WWOX: variants seen among roughly 807,000 people sequenced by gnomAD.
The protein encoded by WWOX is WW domain containing oxidoreductase.
Under a neutral mutation model 46.2 loss-of-function variants are expected in WWOX, and 69 were observed. That is an observed-to-expected ratio of 1.49 (90% CI 1.23 to 1.82). The LOEUF (loss-of-function observed/expected upper bound fraction) is 1.82. Among genes scored for constraint, WWOX ranks in the 40% most tolerant of loss-of-function variants. WWOX has a pLI of 0.00. For synonymous variants in WWOX, 359 were observed against 202.6 expected (o/e 1.77, Z -6.56); for missense variants, 919 against 542.6 (o/e 1.69, Z -6.89).
intron 5 of WWOX, among the ~76,000 whole-genome samples, chr16:78,381,275 C>G (rs72796071): frequency 6.6e-6 from 1 of 152,120 alleles, no homozygotes; most frequent in Non-Finnish European, 1.5e-5. Context: ...ACAAGAAACC[C>G]CTTTGATTCC....
intron 8 of WWOX, among the ~76,000 whole-genome samples, chr16:78,908,666 G>T (rs902453428): frequency 2.6e-5 from 4 of 152,140 alleles, no homozygotes; most frequent in East Asian, 1.9e-4. Context: ...TTAGTGAGAA[G>T]AGGGTCAGGG....
chr16:78,544,568 C>T (rs571895301), intron 8 of WWOX, among the ~76,000 whole-genome samples: 154 of 152,228 alleles, frequency 1.0e-3, no homozygotes, highest in African/African-American at 3.6e-3. Context: ...TTGCAATGCA[C>T]AGTGGGTTAA....
intron 5 of WWOX, among the ~76,000 whole-genome samples, chr16:78,282,658 C>T (rs537090443): frequency 1.4e-4 from 21 of 152,082 alleles, no homozygotes; most frequent in Middle Eastern, 3.4e-3. Context: ...GCGCAGATTA[C>T]AAGGTCAGGA....
At chr16:78,579,830 GGGAAAT>G (rs2045003404) in intron 8 of WWOX, among the ~76,000 whole-genome samples, 1 of 152,140 alleles carries the variant, frequency 6.6e-6, no homozygotes, top group African/African-American at 2.4e-5. Flanking sequence ...GATGGTGCTT[GGGAAAT>G]GTCTCTTCTT....
intron 8 of WWOX, among the ~76,000 whole-genome samples, chr16:78,676,528 A>T (rs554968369): frequency 6.6e-6 from 1 of 151,904 alleles, no homozygotes; most frequent in South Asian, 2.1e-4. Flanking sequence ...CATTGTTCCA[A>T]CTCAAAGTCT....
chr16:78,321,094 C>T lies in WWOX; in HGVS notation c.517-65766C>T, dbSNP rs78302870. ...TAAAAACAGCCTGCTGCCTGAACAC[C>T]AGAGTGTCTTTTAAAGCGTAGAAAA... On this transcript the variant is annotated intron_variant, in intron 5 of 8. Transcript: ENST00000566780. Among the ~76,000 whole-genome samples the T allele has an allele frequency of 7.0e-3, 1,065 of 152,026 alleles. 16 individuals are homozygous for T. The highest frequency in any genetic ancestry group is 0.056 in the East Asian group (291 of 5,160).
At chr16:78,919,029 C>T (rs1027299722) in intron 8 of WWOX, among the ~76,000 whole-genome samples, 1 of 152,108 alleles carries the variant, frequency 6.6e-6, no homozygotes, top group Non-Finnish European at 1.5e-5. Context: ...TGTGTAACTT[C>T]GTTAAGTTCA....
chr16:78,414,745 T>C (rs2082761751), intron 6 of WWOX, among the ~76,000 whole-genome samples: 1 of 152,202 alleles, frequency 6.6e-6, no homozygotes. Context: ...CGTGGTGGCC[T>C]TTCATTCATT....
chr16:78,459,845 AG>A (rs1332633903), intron 8 of WWOX, among the ~76,000 whole-genome samples: 1 of 148,980 alleles, frequency 6.7e-6, no homozygotes, highest in Non-Finnish European at 1.5e-5. Flanking sequence ...TCTGTCACCC[AG>A]GCTGCTGGAG....
At chr16:78,893,029 G>C (rs939304913) in intron 8 of WWOX, among the ~76,000 whole-genome samples, 4 of 152,178 alleles carry the variant, frequency 2.6e-5, no homozygotes, top group African/African-American at 9.7e-5. Flanking sequence ...TGGTAGCAGA[G>C]CAGGGGTCCT....
intron 8 of WWOX, among the ~76,000 whole-genome samples, chr16:79,059,921 C>T (rs2048329478): frequency 6.6e-6 from 1 of 152,070 alleles, no homozygotes; most frequent in Admixed American, 6.5e-5. Context: ...TTTTTTTCCT[C>T]CAGAAATGCT....
In WWOX at chr16:79,023,736, GTGGTGATACCCCATCTCTACTAAAATA is replaced by G. The variant is rs1314518701; in HGVS notation, c.1057-187846_1057-187820del. Among the ~76,000 whole-genome samples the G allele has an allele frequency of 1.3e-4, 19 of 151,332 alleles. 1 individual carries two copies. Among genetic ancestry groups the G allele is most frequent in the African/African-American group, 4.1e-4 (17 of 41,184 alleles). On this transcript the variant is annotated intron_variant, in intron 8 of 8. Coordinates refer to ENST00000566780, the MANE Select transcript of WWOX (RefSeq NM_016373.4). ...CAGAAGTTCGAGACCAGCCTGGCTG[GTGGTGATACCCCATCTCTACTAAAATA>G]TGGTGATACCCCATCTCTACTAAAA...
chr16:78,893,701 C>G (rs1218988500), intron 8 of WWOX, among the ~76,000 whole-genome samples: 2 of 152,170 alleles, frequency 1.3e-5, no homozygotes, highest in Admixed American at 1.3e-4. Flanking sequence ...GCCCTTCTAG[C>G]ACTTCTGTGA....
At chr16:78,293,358 G>T (rs1358547260) in intron 5 of WWOX, among the ~76,000 whole-genome samples, 1 of 152,224 alleles carries the variant, frequency 6.6e-6, no homozygotes, top group African/African-American at 2.4e-5. Flanking sequence ...GCCAGATTTT[G>T]TAACTGAGTC....
intron 8 of WWOX, among the ~76,000 whole-genome samples, chr16:78,704,102 C>A (rs986321597): frequency 2.6e-5 from 4 of 151,926 alleles, no homozygotes; most frequent in African/African-American, 7.2e-5. Flanking sequence ...TTGTTCCACC[C>A]AGCACGTCAT....
At chr16:78,503,667 G>A (rs1249747748) in intron 8 of WWOX, 2 of 152,114 alleles carry the variant, frequency 1.3e-5, no homozygotes, top group African/African-American at 4.8e-5. Flanking sequence ...ACTTACATGT[G>A]TATATGCATG....
At chr16:79,035,080 TGAAACAA>T (rs2047839567) in intron 8 of WWOX, among the ~76,000 whole-genome samples, 1 of 152,158 alleles carries the variant, frequency 6.6e-6, no homozygotes, top group African/African-American at 2.4e-5. Context: ...TCCAGTAAAG[TGAAACAA>T]ACAAACAAAT....
At chr16:78,882,354 A>C (rs1302789568) in intron 8 of WWOX, among the ~76,000 whole-genome samples, 2 of 152,216 alleles carry the variant, frequency 1.3e-5, no homozygotes, top group East Asian at 3.8e-4. Flanking sequence ...TGCCCAAAAT[A>C]GCACAGCAAT....
intron 8 of WWOX, among the ~76,000 whole-genome samples, chr16:78,678,099 C>T (rs974378393): frequency 6.6e-6 from 1 of 152,200 alleles, no homozygotes; most frequent in Non-Finnish European, 1.5e-5. Flanking sequence ...TCTCACTGCC[C>T]TCCCCCTCCC....
Sources: gnomAD v4.1 joint callset for allele counts (sites outside exome capture counted in the v4.1 genomes callset) on GRCh38, gnomAD v4.1.1 for gene constraint, MANE v1.5 for transcripts, NCBI Gene and HGNC (gene_info 2026-07-23, HGNC 2026-07-21) for gene names.